Variants in KIF21A observed in about 807,000 individuals in gnomAD.
The protein encoded by KIF21A is kinesin family member 21A.
A neutral mutation model predicts 202.9 loss-of-function variants in KIF21A; 114 were observed. The observed-to-expected ratio is 0.56, with a 90% confidence interval of 0.48 to 0.66. The LOEUF is 0.66. Ranked by LOEUF, KIF21A falls within the 30% of genes least tolerant of loss-of-function variation. The probability of loss-of-function intolerance (pLI) is 0.00; values close to 1 mark genes in which losing one functional copy is unlikely to be tolerated. For synonymous variants in KIF21A, 667 were observed against 670.8 expected, an observed-to-expected ratio of 0.99 and a Z score of 0.09; for missense variants, 1,677 against 1,994.9, an observed-to-expected ratio of 0.84 and a Z score of 3.04.
In KIF21A at chr12:39,443,006, G is replaced by C. The variant is rs1041864935; in HGVS notation, c.-36C>G. On this transcript the variant is annotated 5_prime_UTR_variant, in exon 1 of 38. Transcript: ENST00000361418. Reference sequence around the variant, plus strand: ...GGCAGCGATCGAGCCGTTGGGCCTCGGCACCGCAGAGCTGAGGCGCCACTG... The same window carrying C: ...GGCAGCGATCGAGCCGTTGGGCCTCCGCACCGCAGAGCTGAGGCGCCACTG... 9.3e-6 allele frequency: 14 copies of C among 1,512,466 alleles called. No homozygotes were observed. Among genetic ancestry groups the C allele is most frequent in the Admixed American group, 6.1e-5 (3 of 49,398 alleles). 93.7% of individuals were successfully genotyped at this position (1,512,466 alleles called of 1,614,324 possible).
intron 1 of KIF21A, among the ~76,000 whole-genome samples, chr12:39,389,179 T>TACAC (rs10632410): frequency 0.15 from 21,372 of 142,008 alleles, 1,703 homozygotes; most frequent in African/African-American, 0.24. Flanking sequence ...TAAATACACA[T>TACAC]ACACACACAC....
At chr12:39,381,321 A>C (rs1950601514) in intron 1 of KIF21A, among the ~76,000 whole-genome samples, 1 of 151,844 alleles carries the variant, frequency 6.6e-6, no homozygotes, top group Admixed American at 6.6e-5. Context: ...AAAAAAAAAA[A>C]AAAACTATTT....
intron 17 of KIF21A, among the ~76,000 whole-genome samples, chr12:39,334,439 TTC>T (rs1222725292): frequency 9.2e-5 from 14 of 152,150 alleles, no homozygotes; most frequent in Non-Finnish European, 2.1e-4. Context: ...TTATGTATAT[TTC>T]TGTCTCATCA....
At chr12:39,422,643 T>C (rs879360608) in intron 1 of KIF21A, among the ~76,000 whole-genome samples, 1 of 152,164 alleles carries the variant, frequency 6.6e-6, no homozygotes, top group Non-Finnish European at 1.5e-5. Context: ...TCTCCACCCC[T>C]AGCAAAACTA....
chr12:39,377,985 A>T (rs1950369844), intron 1 of KIF21A, among the ~76,000 whole-genome samples: 1 of 152,344 alleles, frequency 6.6e-6, no homozygotes, highest in African/African-American at 2.4e-5. Context: ...CTTAATAAAC[A>T]GATATTCATA....
chr12:39,311,081 T>C (rs779028571), intron 32 of KIF21A, among the ~76,000 whole-genome samples: 3 of 152,054 alleles, frequency 2.0e-5, no homozygotes, highest in Non-Finnish European at 4.4e-5. Flanking sequence ...GTGGTTGCTA[T>C]GCATCTTATT....
At chr12:39,311,877 T>C (rs1315884718) in intron 31 of KIF21A, 3 of 284,738 alleles carry the variant, frequency 1.1e-5, no homozygotes, top group Admixed American at 9.0e-5. Context: ...TACTGAATTC[T>C]GACAAATAAG....
At chr12:39,418,497 A>G (rs1256234486) in intron 1 of KIF21A, among the ~76,000 whole-genome samples, 1 of 152,188 alleles carries the variant, frequency 6.6e-6, no homozygotes, top group Non-Finnish European at 1.5e-5. Flanking sequence ...GTTGTTCCTA[A>G]TATCTGATTA....
At chr12:39,411,041 G>T (rs1301013116) in intron 1 of KIF21A, among the ~76,000 whole-genome samples, 1 of 152,040 alleles carries the variant, frequency 6.6e-6, no homozygotes, top group Non-Finnish European at 1.5e-5. Flanking sequence ...ACCAATTCCT[G>T]CCTCTCTTCA....
At chr12:39,432,135 T>C (rs1294775461) in intron 1 of KIF21A, among the ~76,000 whole-genome samples, 1 of 152,210 alleles carries the variant, frequency 6.6e-6, no homozygotes, top group East Asian at 1.9e-4. Flanking sequence ...AGAAACTCAC[T>C]TATTTTCAAG....
At position 39,385,476 on chromosome 12, in the gene KIF21A, T is replaced by C. The variant is rs1950883730; in HGVS notation, c.45-15215A>G. Among the ~76,000 whole-genome samples, 3 of 152,118 alleles carry C rather than the reference T, an allele frequency of 2.0e-5. No individual in the cohort carries two copies. In the South Asian group the frequency reaches 6.2e-4, roughly 32 times the overall value. ...TATGCATCAGTGTGAAAGAAAGACA[T>C]AGAAAAAATACTGTATATCTTCCTG... On this transcript the variant is annotated intron_variant, in intron 1 of 37. Transcript: ENST00000361418.
chr12:39,329,065 T>C (rs1291117981), intron 24 of KIF21A, among the ~76,000 whole-genome samples: 1 of 152,250 alleles, frequency 6.6e-6, no homozygotes, highest in Non-Finnish European at 1.5e-5. Context: ...ATGATTGTGA[T>C]AAAACTGGAG....
At chr12:39,373,319 G>A (rs1274984915) in intron 1 of KIF21A, among the ~76,000 whole-genome samples, 1 of 151,958 alleles carries the variant, frequency 6.6e-6, no homozygotes, top group Non-Finnish European at 1.5e-5. Context: ...CCTTTTCCTA[G>A]ACACTCTTCT....
At chr12:39,399,245 T>C (rs1160559112) in intron 1 of KIF21A, among the ~76,000 whole-genome samples, 1 of 152,232 alleles carries the variant, frequency 6.6e-6, no homozygotes, top group Non-Finnish European at 1.5e-5. Context: ...TATTTTGTAT[T>C]ATAAGTAACC....
intron 16 of KIF21A, among the ~76,000 whole-genome samples, 154 bp downstream of exon 16, chr12:39,340,011 A>C (rs867794370): frequency 1.3e-5 from 2 of 152,186 alleles, no homozygotes; most frequent in Admixed American, 1.3e-4. Context: ...TGACTATTAG[A>C]AACAACTTCT....
intron 1 of KIF21A, among the ~76,000 whole-genome samples, chr12:39,441,485 T>C (rs1939571813): frequency 6.6e-6 from 1 of 151,694 alleles, no homozygotes; most frequent in Non-Finnish European, 1.5e-5. Flanking sequence ...CCTGGTGCAG[T>C]CATTAACTGG....
chr12:39,305,160 G>A (rs888945463), intron 34 of KIF21A, among the ~76,000 whole-genome samples: 2 of 151,894 alleles, frequency 1.3e-5, no homozygotes, highest in African/African-American at 4.8e-5. Context: ...GAGGCCAGGA[G>A]TTTGAGACCA....
At position 39,358,462 on chromosome 12, in the gene KIF21A, T is replaced by C; in HGVS notation, c.1020-89A>G. 2.6e-5 allele frequency: 31 copies of C among 1,199,412 alleles called. No homozygotes were observed. The South Asian group carries it at 3.7e-4, about 14-fold the overall frequency. 74.3% of individuals were successfully genotyped at this position (1,199,412 alleles called of 1,614,324 possible). On this transcript the variant is annotated intron_variant, in intron 7 of 37. Coordinates refer to ENST00000361418, the MANE Select transcript of KIF21A (RefSeq NM_001173464.2). ...TTTTAAATTCCTAACATTTGAATAG[T>C]ATCTTCTCTTCAAGATACCAAAATA...
At chr12:39,359,557 G>A (rs763407746) in intron 7 of KIF21A, among the ~76,000 whole-genome samples, 3 of 152,104 alleles carry the variant, frequency 2.0e-5, no homozygotes, top group African/African-American at 4.8e-5. Context: ...TTTACTGGGG[G>A]TCAGAAAGTT....
Sources: allele counts gnomAD v4.1 joint callset (sites outside exome capture counted in the v4.1 genomes callset), GRCh38; gene constraint gnomAD v4.1.1; transcripts MANE v1.5; gene names NCBI Gene and HGNC (gene_info 2026-07-23, HGNC 2026-07-21).